Variants in SAMTOR observed in about 807,000 individuals in gnomAD.
The protein encoded by SAMTOR is S-adenosylmethionine sensor upstream of mTORC1.
At chr7:112,874,695 G>T in the SAMTOR span, among the ~76,000 whole-genome samples, 1 of 152,032 alleles carries the variant, frequency 6.6e-6, no homozygotes, top group South Asian at 2.1e-4. Flanking sequence ...TTAGCCATCT[G>T]TAACTTTACA....
chr7:112,853,958 TGA>T, the SAMTOR span, among the ~76,000 whole-genome samples: 23 of 152,144 alleles, frequency 1.5e-4, no homozygotes, highest in African/African-American at 5.5e-4. Flanking sequence ...GAAAATGCGT[TGA>T]GAGTCAGTTT....
chr7:112,931,827 A>G, the SAMTOR span, among the ~76,000 whole-genome samples: 3 of 152,172 alleles, frequency 2.0e-5, no homozygotes, highest in African/African-American at 7.2e-5. Flanking sequence ...AGATTTTGTA[A>G]CTAGTATAAA....
At chr7:112,839,372 T>C in the SAMTOR span, among the ~76,000 whole-genome samples, 1 of 151,852 alleles carries the variant, frequency 6.6e-6, no homozygotes, top group South Asian at 2.1e-4. Context: ...ACCACTGTAA[T>C]AAAAACAACT....
chr7:112,860,126 G>A, the SAMTOR span, among the ~76,000 whole-genome samples: 5 of 152,236 alleles, frequency 3.3e-5, no homozygotes, highest in East Asian at 9.6e-4. Context: ...TGTTACAACT[G>A]CCTTCAGTAT....
the SAMTOR span, among the ~76,000 whole-genome samples, chr7:112,861,928 C>T: frequency 6.6e-6 from 1 of 152,126 alleles, no homozygotes; most frequent in Non-Finnish European, 1.5e-5. Flanking sequence ...ATTCTAAATA[C>T]TTTGGGTCAC....
At chr7:112,862,590 T>C in the SAMTOR span, among the ~76,000 whole-genome samples, 1 of 152,178 alleles carries the variant, frequency 6.6e-6, no homozygotes, top group East Asian at 1.9e-4. Flanking sequence ...AAAATTAAAA[T>C]GCTCCTTGGG....
chr7:112,859,682 A>T, the SAMTOR span, among the ~76,000 whole-genome samples: 1 of 152,264 alleles, frequency 6.6e-6, no homozygotes, highest in Middle Eastern at 3.4e-3. Context: ...TTTGTGTCTT[A>T]GCTTTTACCA....
chr7:112,899,633 C>T, the SAMTOR span, among the ~76,000 whole-genome samples: 1 of 151,960 alleles, frequency 6.6e-6, no homozygotes, highest in Non-Finnish European at 1.5e-5. Context: ...TAAAATCAAA[C>T]TCTTATAGGT....
the SAMTOR span, among the ~76,000 whole-genome samples, chr7:112,846,145 C>CTTTTTTTTTTTT: frequency 5.4e-5 from 7 of 129,000 alleles, no homozygotes; most frequent in East Asian, 2.1e-4. Context: ...ATCTGTACAA[C>CTTTTTTTTTTTT]TTTTTTTTTT....
chr7:112,881,687 C>T, the SAMTOR span, among the ~76,000 whole-genome samples: 3 of 152,184 alleles, frequency 2.0e-5, no homozygotes, highest in Non-Finnish European at 2.9e-5. Flanking sequence ...GTCTCCTCTC[C>T]GCTGAGAGCT....
the SAMTOR span, among the ~76,000 whole-genome samples, chr7:112,848,191 G>A: frequency 6.6e-6 from 1 of 151,754 alleles, no homozygotes; most frequent in Admixed American, 6.6e-5. Flanking sequence ...AAATAATAGA[G>A]GCTTATATTA....
chr7:112,911,937 C>T, the SAMTOR span, among the ~76,000 whole-genome samples: 121 of 151,708 alleles, frequency 8.0e-4, no homozygotes, highest in Non-Finnish European at 1.4e-3. Flanking sequence ...TGTCTAAAAA[C>T]TCAATGTTAT....
the SAMTOR span, chr7:112,821,043 A>G: frequency 5.2e-5 from 8 of 152,440 alleles, no homozygotes; most frequent in African/African-American, 1.9e-4. Flanking sequence ...AATCAACAAG[A>G]AAGTTATGAA....
the SAMTOR span, among the ~76,000 whole-genome samples, chr7:112,854,832 T>C: frequency 6.6e-6 from 1 of 152,106 alleles, no homozygotes; most frequent in African/African-American, 2.4e-5. Context: ...GTAAAATATC[T>C]GGAAAAAACA....
At chr7:112,848,307 T>C in the SAMTOR span, among the ~76,000 whole-genome samples, 2 of 152,358 alleles carry the variant, frequency 1.3e-5, no homozygotes, top group African/African-American at 4.8e-5. Flanking sequence ...AAAATTCAAG[T>C]ACCTTTAGCA....
At chr7:112,875,093 T>G in the SAMTOR span, among the ~76,000 whole-genome samples, 188 of 152,282 alleles carry the variant, frequency 1.2e-3, 1 homozygote, top group Non-Finnish European at 1.9e-3. Flanking sequence ...AGATGATGCC[T>G]CTGGTGTCAC....
the SAMTOR span, among the ~76,000 whole-genome samples, chr7:112,910,830 T>A: frequency 2.0e-5 from 3 of 152,132 alleles, no homozygotes; most frequent in Non-Finnish European, 4.4e-5. Flanking sequence ...TAATCCTGCA[T>A]GTAGAACACA....
the SAMTOR span, among the ~76,000 whole-genome samples, chr7:112,933,931 A>G: frequency 6.6e-6 from 1 of 152,202 alleles, no homozygotes; most frequent in Non-Finnish European, 1.5e-5. Context: ...CAAATGCACC[A>G]AAACCAACTG....
the SAMTOR span, among the ~76,000 whole-genome samples, chr7:112,918,097 C>G: frequency 5.2e-4 from 79 of 152,180 alleles, 3 homozygotes; most frequent in East Asian, 0.012. Flanking sequence ...ATACAGAGAA[C>G]GCCACAAAGA....
Sources: allele counts gnomAD v4.1 joint callset (sites outside exome capture counted in the v4.1 genomes callset), GRCh38; gene constraint gnomAD v4.1.1; transcripts MANE v1.5; gene names NCBI Gene and HGNC (gene_info 2026-07-23, HGNC 2026-07-21).